Variants in CTR9 observed in about 807,000 individuals in gnomAD.
CTR9 encodes CTR9 component of Paf1/RNA polymerase II complex, also known as RNA polymerase-associated protein CTR9 homolog.
A neutral mutation model predicts 152.1 loss-of-function variants in CTR9; 41 were observed. That is an observed-to-expected ratio of 0.27 (90% CI 0.21 to 0.35). The LOEUF is 0.35. Ranked by LOEUF, CTR9 falls within the 10% of genes least tolerant of loss-of-function variation. The probability of loss-of-function intolerance (pLI) is 1.00; values close to 1 mark genes in which losing one functional copy is unlikely to be tolerated. For missense variants in CTR9, 917 were observed against 1,424.4 expected (o/e 0.64, Z 5.73); for synonymous variants, 476 against 496.2 (o/e 0.96, Z 0.54).
chr11:10,752,608 C>A, intron 1 of CTR9, 64 bp from the exon 2 acceptor site: 1 of 1,157,116 alleles, frequency 8.6e-7, no homozygotes, highest in Non-Finnish European at 1.3e-6. Context: ...TCACGAAAAG[C>A]AGCAAAGATG....
chr11:10,754,808 C>A, intron 2 of CTR9, 150 bp from the exon 3 acceptor site: 2 of 725,364 alleles, frequency 2.8e-6, no homozygotes, highest in Non-Finnish European at 4.4e-6. Context: ...ATGGATACAC[C>A]ACAGCTTGTT....
chr11:10,775,731 T>TAG (rs1166500666), intron 24 of CTR9, 98 bp downstream of exon 24: 3 of 109,690 alleles, frequency 2.7e-5, no homozygotes, highest in African/African-American at 1.4e-4. Flanking sequence ...ATACTTTTCT[T>TAG]TCTTTTTCTT....
rs1362255616 is a variant in CTR9 at position 10,778,819 on chromosome 11, A to G, written c.3236A>G (p.Gln1079Arg). 6.2e-7 allele frequency: 1 copy of G among 1,614,258 alleles called. No individual in the cohort carries two copies. Among genetic ancestry groups the G allele is most frequent in the African/African-American group, 1.3e-5 (1 of 75,068 alleles). The change falls in exon 25 of 25, where the codon CAG becomes CGG. Residue 1079 changes from glutamine to arginine, a missense_variant. Gln to Arg is a conservative substitution (Grantham distance 43). Coordinates refer to ENST00000361367, the MANE Select transcript of CTR9 (RefSeq NM_014633.5). ...GGCAGTCCCCGGAGGCCACGAAGACAGCGGTCAGATCAGGACTCAGACAGT... is the reference window on the plus strand; with the variant it reads ...GGCAGTCCCCGGAGGCCACGAAGACGGCGGTCAGATCAGGACTCAGACAGT... Reference protein sequence around the residue: ...EAGSPRRPRRQRSDQDSDSDQ... With the variant: ...EAGSPRRPRRRRSDQDSDSDQ...
chr11:10,767,658 C>T lies in CTR9; in HGVS notation c.1687-148C>T. ...AGTTCGATAAATTTGGATTGCCATG[C>T]AAAAAAAAAAAGAAAGAAAGAAAAG... is the stretch of plus-strand genomic sequence containing the variant. On this transcript the variant is annotated intron_variant, in intron 13 of 24. Coordinates refer to ENST00000361367, the MANE Select transcript of CTR9 (RefSeq NM_014633.5). This position sits in a 1 kb window ranked among gnomAD's most constrained non-coding sequence, Gnocchi z 4.0. 1 of 579,554 alleles carries T rather than the reference C, an allele frequency of 1.7e-6. No homozygotes were observed. The highest frequency in any genetic ancestry group is 3.3e-5 in the East Asian group (1 of 30,552). The allele number at this position is 579,554 out of a possible 1,614,324, so 35.9% of individuals were successfully genotyped here. A position where few individuals can be genotyped will look rare whatever the true frequency, so the allele number is the denominator to read the frequency against.
At chr11:10,759,006 T>C (rs550885628) in intron 5 of CTR9, among the ~76,000 whole-genome samples, 6 of 152,344 alleles carry the variant, frequency 3.9e-5, no homozygotes, top group African/African-American at 9.6e-5. Context: ...CACTCTATAC[T>C]TAATCATATT....
At chr11:10,771,918 A>C (rs1863148743) in intron 19 of CTR9, among the ~76,000 whole-genome samples, 1 of 152,178 alleles carries the variant, frequency 6.6e-6, no homozygotes, top group African/African-American at 2.4e-5. Context: ...TAATGTTGGA[A>C]ATCTTTTTAG....
chr11:10,772,726 A>T (rs1429177218), intron 20 of CTR9, 71 bp downstream of exon 20: 2 of 1,432,498 alleles, frequency 1.4e-6, no homozygotes, highest in Non-Finnish European at 1.9e-6. Context: ...ATGTTTAAAA[A>T]AAAAAGTCCT....
chr11:10,763,561 T>C, intron 8 of CTR9, 23 bp downstream of exon 8: 2 of 1,577,836 alleles, frequency 1.3e-6, no homozygotes, highest in Non-Finnish European at 1.7e-6. Flanking sequence ...CTTCTCTAAA[T>C]GTCTAATCTT....
At position 10,770,260 on chromosome 11, in the gene CTR9, A is replaced by C. The variant is rs773742754; in HGVS notation, c.2160A>C (p.Val720=). ...KFYKHQNTEV[V]LYLARALFKC... ...ATAAGCACCAAAACACTGAAGTTGTACTCTATTTGGCCCGGGCCCTCTTCA... is the reference window on the plus strand; with the variant it reads ...ATAAGCACCAAAACACTGAAGTTGTCCTCTATTTGGCCCGGGCCCTCTTCA... Residue 720 remains valine (V), a synonymous_variant, in exon 17 of 25, where the codon GTA becomes GTC. Coordinates refer to ENST00000361367, the MANE Select transcript of CTR9 (RefSeq NM_014633.5). The C allele has an allele frequency of 6.8e-6, 11 of 1,613,860 alleles. No individual in the cohort carries two copies. The highest frequency in any genetic ancestry group is 3.3e-5 in the Admixed American group (2 of 59,966).
At position 10,767,397 on chromosome 11, in the gene CTR9, A is replaced by G. The variant is rs1863076932; in HGVS notation, c.1687-409A>G. ...TGAATGTGGGGAACTAATTTTAATC[A>G]TATGTAATTGGTCACAAGGCCTAAT... On this transcript the variant is annotated intron_variant, in intron 13 of 24. Coordinates refer to ENST00000361367, the MANE Select transcript of CTR9 (RefSeq NM_014633.5). The surrounding 1 kb of genome is among the most constrained non-coding windows in gnomAD (Gnocchi z 4.0). 1 of 165,638 alleles carries G rather than the reference A, an allele frequency of 6.0e-6. No individual in the cohort carries two copies. The allele number at this position is 165,638 out of a possible 1,614,324, so 10.3% of individuals were successfully genotyped here.
chr11:10,776,362 G>A lies in CTR9; in HGVS notation c.3095+729G>A, dbSNP rs561093377. ...AGTCAACAGTACCTGCTCCGTGGAG[G>A]ACTTATCCTAGACTCCTTCCACAAG... On this transcript the variant is annotated intron_variant, in intron 24 of 24. Transcript: ENST00000361367. Among the ~76,000 whole-genome samples the A allele has an allele frequency of 2.0e-5, 3 of 152,282 alleles. No homozygotes were observed. In the East Asian group the frequency reaches 5.8e-4, roughly 29 times the overall value.
Position 10,775,879 on chromosome 11 carries a change from CCTA to C in CTR9, c.3095+251_3095+253del, listed in dbSNP as rs375149207. Among the ~76,000 whole-genome samples the C allele has an allele frequency of 2.6e-3, 395 of 152,198 alleles. 1 individual carries two copies. The highest frequency in any genetic ancestry group is 0.014 in the Middle Eastern group (4 of 294). ...AAGAAACTTGACCCTGTCATTTTGT[CCTA>C]CTACATCTTTTCTCTCAAATAAGAA... On this transcript the variant is annotated intron_variant, in intron 24 of 24. Transcript: ENST00000361367.
At chr11:10,758,178 A>G (rs1396587065) in intron 5 of CTR9, among the ~76,000 whole-genome samples, 2 of 152,360 alleles carry the variant, frequency 1.3e-5, no homozygotes, top group Non-Finnish European at 2.9e-5. Flanking sequence ...TTTAGTTTTT[A>G]CATCGACAGA....
Position 10,768,403 on chromosome 11 carries a change from G to A in CTR9, c.2021G>A (p.Arg674Lys). The change falls in exon 16 of 25, where the codon AGA becomes AAA. Residue 674 changes from arginine (R) to lysine (K), a missense_variant. Coordinates refer to ENST00000361367, the MANE Select transcript of CTR9 (RefSeq NM_014633.5). ...REARDVFAQV[R>K]EATADISDVW... ...GCTCGTGATGTATTTGCCCAAGTAAGAGAAGCAACAGCAGATATTAGTGAT... is the reference window on the plus strand; with the variant it reads ...GCTCGTGATGTATTTGCCCAAGTAAAAGAAGCAACAGCAGATATTAGTGAT... 6.2e-7 allele frequency: 1 copy of A among 1,614,156 alleles called. No homozygotes were observed. Among genetic ancestry groups the A allele is most frequent in the African/African-American group, 1.3e-5 (1 of 75,048 alleles).
rs149824144 is a variant in CTR9, at chr11:10,777,386, T to G, written c.3096-1293T>G. Among the ~76,000 whole-genome samples, 170 of 152,130 alleles carry G rather than the reference T, an allele frequency of 1.1e-3. 2 individuals carry two copies. The highest frequency in any genetic ancestry group is 4.0e-3 in the African/African-American group (167 of 41,504). On this transcript the variant is annotated intron_variant, in intron 24 of 24. Coordinates refer to ENST00000361367, the MANE Select transcript of CTR9 (RefSeq NM_014633.5). ...CCTGGGCAGCAAGTGAGACAGAAAT[T>G]TTATAAAAGCAAAATAAACAAACAA...
At chr11:10,773,518 C>T (rs984020856) in intron 21 of CTR9, among the ~76,000 whole-genome samples, 1 of 152,100 alleles carries the variant, frequency 6.6e-6, no homozygotes, top group Non-Finnish European at 1.5e-5. Context: ...GCAGTTTTAA[C>T]CAGTTGAGAC....
At chr11:10,770,684 A>G (rs1027499760) in intron 18 of CTR9, 52 bp downstream of exon 18, 1 of 1,536,222 alleles carries the variant, frequency 6.5e-7, no homozygotes, top group Non-Finnish European at 8.8e-7. Context: ...GTCTATGACC[A>G]TACCATCTTG....
intron 16 of CTR9, 149 bp from the exon 17 acceptor site, chr11:10,770,061 T>A (rs1815682975): frequency 1.8e-6 from 1 of 552,056 alleles, no homozygotes; most frequent in South Asian, 2.9e-5. Context: ...ATGTCAAAAA[T>A]CATTCCCCAA....
At chr11:10,766,305 T>C in intron 12 of CTR9, 97 bp from the exon 13 acceptor site, 1 of 838,692 alleles carries the variant, frequency 1.2e-6, no homozygotes, top group South Asian at 1.5e-5. Flanking sequence ...TTTATGGCGG[T>C]ATTAATGAAA....
Sources: gnomAD v4.1 joint callset for allele counts (sites outside exome capture counted in the v4.1 genomes callset) on GRCh38, gnomAD v4.1.1 for gene constraint, Gnocchi (gnomAD v3.1) non-coding constraint, MANE v1.5 for transcripts, NCBI Gene and HGNC (gene_info 2026-07-23, HGNC 2026-07-21) for gene names.